The following TMCO1 variants were observed in gnomAD, a reference collection of about 807,000 sequenced individuals.
TMCO1 encodes the protein transmembrane and coiled-coil domains 1, also known as calcium load-activated calcium channel.
Under a neutral mutation model 29.3 loss-of-function variants are expected in TMCO1, and 29 were observed. The observed-to-expected ratio is 0.99, with a 90% CI of 0.74 to 1.35. The LOEUF (loss-of-function observed/expected upper bound fraction) is 1.35, where lower values mean the gene tolerates loss of function less well. Ranked by LOEUF, TMCO1 falls within the 40% of genes most tolerant of loss-of-function variation. TMCO1 has a pLI of 0.00. For synonymous variants in TMCO1, 80 were observed against 77.1 expected, an observed-to-expected ratio of 1.04 and a Z score of -0.20; for missense variants, 173 against 225.5, an observed-to-expected ratio of 0.77 and a Z score of 1.49.
intron 6 of TMCO1, among the ~76,000 whole-genome samples, chr1:165,734,142 TCAA>T (rs147406554): frequency 5.9e-5 from 9 of 152,346 alleles, no homozygotes; most frequent in African/African-American, 1.7e-4. Flanking sequence ...CTTTACTCTA[TCAA>T]CAAAGCTGTA....
At chr1:165,725,022 C>CTATATATA (rs1485769184), downstream of TMCO1, 2 of 98,268 alleles carry the variant, frequency 2.0e-5, no homozygotes, top group Admixed American at 2.3e-4. Flanking sequence ...CTCTCTCTCT[C>CTATATATA]TCTATATATA....
chr1:165,738,718 G>A (rs1005379420), intron 6 of TMCO1, among the ~76,000 whole-genome samples: 8 of 152,180 alleles, frequency 5.3e-5, no homozygotes, highest in African/African-American at 1.9e-4. Flanking sequence ...AAAGGTAGGT[G>A]ACTTCTGTGA....
At chr1:165,731,655 G>A (rs1254597295) in intron 6 of TMCO1, among the ~76,000 whole-genome samples, 1 of 152,210 alleles carries the variant, frequency 6.6e-6, no homozygotes, top group African/African-American at 2.4e-5. Flanking sequence ...GTAGTCTGTT[G>A]AATTTCATTT....
intron 3 of TMCO1, among the ~76,000 whole-genome samples, chr1:165,757,307 G>A (rs963202280): frequency 6.6e-5 from 10 of 152,144 alleles, no homozygotes; most frequent in Admixed American, 1.3e-4. Flanking sequence ...ATGCCAAGGC[G>A]AAATACAGTA....
At chr1:165,767,839 C>A (rs952386001) in intron 2 of TMCO1, among the ~76,000 whole-genome samples, 1 of 152,100 alleles carries the variant, frequency 6.6e-6, no homozygotes, top group African/African-American at 2.4e-5. Flanking sequence ...ACCACCATAC[C>A]CAGCTAATTT....
At chr1:165,768,090 G>A in intron 2 of TMCO1, 102 bp downstream of exon 2, 1 of 1,012,832 alleles carries the variant, frequency 9.9e-7, no homozygotes, top group East Asian at 2.5e-5. Context: ...TTCAAGTCAG[G>A]TTCATCTTTG....
At chr1:165,752,201 A>G (rs1205084558) in intron 4 of TMCO1, 32 bp from the exon 5 acceptor site, 6 of 1,573,220 alleles carry the variant, frequency 3.8e-6, no homozygotes, top group Non-Finnish European at 5.2e-6. Context: ...GTCATTTTAC[A>G]CTAAAAAAAA....
intron 3 of TMCO1, among the ~76,000 whole-genome samples, chr1:165,757,519 A>C (rs146948365): frequency 2.0e-4 from 31 of 152,172 alleles, no homozygotes; most frequent in African/African-American, 6.7e-4. Flanking sequence ...TTTTTGCGAC[A>C]AAGTTTTGCT....
At chr1:165,744,746 T>A (rs1029712671) in intron 5 of TMCO1, among the ~76,000 whole-genome samples, 1 of 139,546 alleles carries the variant, frequency 7.2e-6, no homozygotes, top group African/African-American at 2.7e-5. Flanking sequence ...GCCGAGATCA[T>A]GCCATTGCAT....
chr1:165,747,284 A>AG lies in TMCO1; in HGVS notation c.324-3974_324-3973insC, dbSNP rs1269696269. Among the ~76,000 whole-genome samples, 4 of 151,684 alleles carry AG rather than the reference A, an allele frequency of 2.6e-5. No homozygotes were observed. In the East Asian group the frequency reaches 7.7e-4, roughly 29 times the overall value. On this transcript the variant is annotated intron_variant, in intron 5 of 6. Coordinates refer to ENST00000367881, the MANE Select transcript of TMCO1 (RefSeq NM_019026.6). ...CTCTGTCTCAAAAAAAAAAAAAAAA[A>AG]AAAAAAAAATTGATAAGCTACTTAT... is the stretch of plus-strand genomic sequence containing the variant.
At chr1:165,749,182 A>G (rs1651908432) in intron 5 of TMCO1, among the ~76,000 whole-genome samples, 1 of 152,038 alleles carries the variant, frequency 6.6e-6, no homozygotes. Context: ...TAAGTTTTCA[A>G]TCTATTTGGG....
Position 165,727,057 on chromosome 1 carries a change from T to C in TMCO1, c.*966A>G, listed in dbSNP as rs1169390058. On this transcript the variant is annotated 3_prime_UTR_variant, in exon 7 of 7. Coordinates refer to ENST00000367881, the MANE Select transcript of TMCO1 (RefSeq NM_019026.6). ...TTGATAAGACTCCACACAGGACTCC[T>C]AATTCCATAGATTATGCGGGGAGGA... 2.2e-6 allele frequency: 1 copy of C among 454,016 alleles called. No individual in the cohort carries two copies. Among genetic ancestry groups the C allele is most frequent in the African/African-American group, 2.0e-5 (1 of 50,012 alleles). The allele number at this position is 454,016 out of a possible 1,614,324, so 28.1% of individuals were successfully genotyped here.
At position 165,766,322 on chromosome 1, in the gene TMCO1, T is replaced by C. The variant is rs528593829; in HGVS notation, c.148+1870A>G. Among the ~76,000 whole-genome samples the C allele has an allele frequency of 1.3e-4, 20 of 152,280 alleles. No individual in the cohort carries two copies. The South Asian group carries it at 3.9e-3, about 30-fold the overall frequency. ...CATAACAAATTGATGCGTGGATATA[T>C]GAATCTTGTATTAAGAAGAGAGGGC... On this transcript the variant is annotated intron_variant, in intron 2 of 6. Transcript: ENST00000367881.
chr1:165,746,472 C>G (rs1571220547), intron 5 of TMCO1, among the ~76,000 whole-genome samples: 1 of 151,318 alleles, frequency 6.6e-6, no homozygotes, highest in South Asian at 2.1e-4. Flanking sequence ...CACACACACA[C>G]ACACACACAC....
At chr1:165,768,609 C>A in intron 1 of TMCO1, 73 bp downstream of exon 1, 1 of 1,611,700 alleles carries the variant, frequency 6.2e-7, no homozygotes, top group Non-Finnish European at 8.5e-7. Context: ...GATCTTTCCC[C>A]TGGTGGCACA....
intron 2 of TMCO1, among the ~76,000 whole-genome samples, chr1:165,767,368 T>G (rs1421411106): frequency 6.6e-6 from 1 of 152,222 alleles, no homozygotes; most frequent in Non-Finnish European, 1.5e-5. Context: ...GTGGAATTCC[T>G]GCTTTATTTC....
chr1:165,768,293 T>C (rs1409873011), intron 1 of TMCO1, 24 bp from the exon 2 acceptor site: 36 of 1,600,578 alleles, frequency 2.2e-5, no homozygotes, highest in Non-Finnish European at 3.1e-5. Context: ...AGCAACATGT[T>C]AATAGAGAAA....
At chr1:165,766,031 T>C (rs1442651532) in intron 2 of TMCO1, among the ~76,000 whole-genome samples, 2 of 152,220 alleles carry the variant, frequency 1.3e-5, no homozygotes, top group East Asian at 1.9e-4. Context: ...GGTCAGATTC[T>C]GGATATCGGA....
At chr1:165,743,100 A>C in intron 6 of TMCO1, 67 bp downstream of exon 6, 1 of 1,566,064 alleles carries the variant, frequency 6.4e-7, no homozygotes, top group Non-Finnish European at 8.8e-7. Flanking sequence ...GTATTATAAA[A>C]GTAAAAGCTA....
Sources: allele counts gnomAD v4.1 joint callset (sites outside exome capture counted in the v4.1 genomes callset), GRCh38; gene constraint gnomAD v4.1.1; transcripts MANE v1.5; gene names NCBI Gene and HGNC (gene_info 2026-07-23, HGNC 2026-07-21).